The following ALLC variants were observed in gnomAD, a reference collection of about 807,000 sequenced individuals.
The protein encoded by ALLC is allantoicase.
In ALLC, 40 loss-of-function variants were observed where a neutral mutation model predicts 45.0. The ratio of observed to expected loss-of-function variants is 0.89; its 90% CI spans 0.69 to 1.16. The LOEUF (loss-of-function observed/expected upper bound fraction) is 1.16, where lower values mean the gene tolerates loss of function less well. ALLC is among the 50% of genes most tolerant of loss of function. The probability of loss-of-function intolerance (pLI) is 0.00; values close to 1 mark genes in which losing one functional copy is unlikely to be tolerated. For missense variants in ALLC, 488 were observed against 493.1 expected, an observed-to-expected ratio of 0.99 and a Z score of 0.10; for synonymous variants, 176 against 178.1, an observed-to-expected ratio of 0.99 and a Z score of 0.09.
chr2:3,651,415 GTGTGTGTGTGTGTGTGTGTGTGTGTGT>G, the ALLC span, among the ~76,000 whole-genome samples: 7 of 54,060 alleles, frequency 1.3e-4, no homozygotes, highest in Non-Finnish European at 1.7e-4. Flanking sequence ...GTGTGTGTGT[GTGTGTGTGTGTGTGTGTGTGTGTGTGT>G]TAGGAAGGGA....
At chr2:3,686,803 T>C (rs1667343863) in intron 7 of ALLC, among the ~76,000 whole-genome samples, 1 of 151,008 alleles carries the variant, frequency 6.6e-6, no homozygotes, top group Non-Finnish European at 1.5e-5. Context: ...ATCCTGAAAA[T>C]CTACTGAATT....
intron 2 of ALLC, 40 bp from the exon 3 acceptor site, chr2:3,674,035 T>A: frequency 7.0e-7 from 1 of 1,419,594 alleles, no homozygotes; most frequent in South Asian, 1.3e-5. Context: ...GTATCAGATT[T>A]ATGGTTGCTT....
the ALLC span, among the ~76,000 whole-genome samples, chr2:3,647,058 C>T: frequency 6.6e-6 from 1 of 152,096 alleles, no homozygotes. Context: ...ACTCCCTCAG[C>T]CCCCGCACCC....
At chr2:3,670,233 A>G (rs1666829216) in intron 1 of ALLC, among the ~76,000 whole-genome samples, 2 of 152,206 alleles carry the variant, frequency 1.3e-5, no homozygotes, top group South Asian at 4.1e-4. Context: ...ATATTCCTGT[A>G]ATTTCAAGGA....
At chr2:3,652,580 ATTTTTTTTTTTTTTTT>A in the ALLC span, among the ~76,000 whole-genome samples, 6,974 of 93,612 alleles carry the variant, frequency 0.074, 568 homozygotes, top group African/African-American at 0.24. Context: ...AAACTTTGTG[ATTTTTTTTTTTTTTTT>A]TTTTTTTTTT....
chr2:3,698,308 C>T (rs556453818), intron 10 of ALLC, among the ~76,000 whole-genome samples: 1 of 152,272 alleles, frequency 6.6e-6, no homozygotes, highest in African/African-American at 2.4e-5. Context: ...CACATTTGGG[C>T]TGGATGACCC....
chr2:3,698,350 C>T (rs903523792), intron 10 of ALLC, among the ~76,000 whole-genome samples: 9 of 152,272 alleles, frequency 5.9e-5, no homozygotes, highest in Admixed American at 1.3e-4. Context: ...TGACACTGTC[C>T]GGCTCTTTAC....
chr2:3,679,626 C>G (rs11689999), intron 4 of ALLC, among the ~76,000 whole-genome samples: 5,411 of 152,300 alleles, frequency 0.036, 345 homozygotes, highest in African/African-American at 0.12. Flanking sequence ...TCCTGGATCC[C>G]AGCCTGTGCA....
intron 7 of ALLC, chr2:3,688,586 C>T: frequency 4.8e-6 from 1 of 206,400 alleles, no homozygotes; most frequent in Non-Finnish European, 1.0e-5. Context: ...TGATTCACAC[C>T]CCACATAAAC....
chr2:3,692,769 G>A (rs1667557061), intron 7 of ALLC, among the ~76,000 whole-genome samples: 1 of 152,142 alleles, frequency 6.6e-6, no homozygotes, highest in African/African-American at 2.4e-5. Context: ...TGAGTTACAG[G>A]GTTTGCAGGG....
In ALLC at chr2:3,679,930, C is replaced by T. The variant is rs758904950; in HGVS notation, c.234C>T (p.Asp78=). Residue 78 remains aspartate (D), a synonymous_variant, in exon 5 of 12, where the codon GAC becomes GAT. Coordinates refer to ENST00000252505, the MANE Select transcript of ALLC (RefSeq NM_018436.4). ...GAGTCATCCGGGGCTTCGACGTGGA[C>T]GTTTCTTACTTCACGGGAGATTACG... The part of the protein sequence containing the change: ...IQGVIRGFDV[D]VSYFTGDYAP... The T allele has an allele frequency of 1.2e-5, 20 of 1,613,874 alleles. No homozygotes were observed. Among genetic ancestry groups the T allele is most frequent in the South Asian group, 4.4e-5 (4 of 91,086 alleles).
chr2:3,701,286 T>C (rs1435790282), intron 10 of ALLC, among the ~76,000 whole-genome samples: 1 of 152,220 alleles, frequency 6.6e-6, no homozygotes, highest in Non-Finnish European at 1.5e-5. Flanking sequence ...TATGGCGGAC[T>C]GCTTCTGAGT....
intron 1 of ALLC, among the ~76,000 whole-genome samples, chr2:3,662,349 C>T (rs1272726920): frequency 1.3e-5 from 2 of 152,156 alleles, no homozygotes; most frequent in African/African-American, 2.4e-5. Flanking sequence ...CCCTGCTCAC[C>T]CAGGGTGGAA....
chr2:3,679,266 A>G (rs10203305), intron 4 of ALLC, among the ~76,000 whole-genome samples: 5,098 of 152,318 alleles, frequency 0.033, 309 homozygotes, highest in African/African-American at 0.12. Context: ...AATATCTGGC[A>G]GTAAATAACC....
chr2:3,679,995 G>A lies in ALLC; in HGVS notation c.298+1G>A. ...ATTCAAGCAGCAAACTTGGAAGAAG[G>A]TGCGTTAGGAACCACTGTCCCCAAA... On this transcript the variant is annotated splice_donor_variant, in intron 5 of 11. Coordinates refer to ENST00000252505, the MANE Select transcript of ALLC (RefSeq NM_018436.4). LOFTEE classifies it high-confidence loss of function. 6.2e-7 allele frequency: 1 copy of A among 1,613,824 alleles called. No homozygotes were observed. Among genetic ancestry groups the A allele is most frequent in the Non-Finnish European group, 8.5e-7 (1 of 1,179,804 alleles).
intron 1 of ALLC, among the ~76,000 whole-genome samples, chr2:3,664,222 C>T (rs1666640624): frequency 6.6e-6 from 1 of 152,220 alleles, no homozygotes; most frequent in Non-Finnish European, 1.5e-5. Context: ...ACCCCTGCTG[C>T]TTCTATGAAA....
the ALLC span, among the ~76,000 whole-genome samples, chr2:3,647,559 T>C: frequency 6.6e-6 from 1 of 151,564 alleles, no homozygotes; most frequent in African/African-American, 2.4e-5. Flanking sequence ...TGGGGGTCGC[T>C]CACCCATCTT....
chr2:3,697,313 G>A, intron 9 of ALLC, 35 bp from the exon 10 acceptor site: 1 of 1,565,224 alleles, frequency 6.4e-7, no homozygotes, highest in Non-Finnish European at 8.8e-7. Flanking sequence ...ATGACTCCAA[G>A]TTCGTTTACC....
chr2:3,692,615 C>T (rs1667553044), intron 7 of ALLC, among the ~76,000 whole-genome samples: 1 of 152,148 alleles, frequency 6.6e-6, no homozygotes, highest in African/African-American at 2.4e-5. Flanking sequence ...AATTACTGCC[C>T]ATCAGAATAG....
Sources: allele counts gnomAD v4.1 joint callset (sites outside exome capture counted in the v4.1 genomes callset), GRCh38; gene constraint gnomAD v4.1.1; transcripts MANE v1.5; gene names NCBI Gene and HGNC (gene_info 2026-07-23, HGNC 2026-07-21).